ADAM28: variants seen among roughly 807,000 people sequenced by gnomAD.
ADAM28 encodes the protein disintegrin and metalloproteinase domain-containing protein 28.
ADAM28 carries 105 observed loss-of-function variants against 101.2 expected under a neutral mutation model. The observed-to-expected ratio is 1.04, with a 90% CI of 0.89 to 1.22. ADAM28 has a LOEUF of 1.22. ADAM28 is among the 50% of genes most tolerant of loss of function. ADAM28 has a pLI of 0.00. For missense variants in ADAM28, 1,028 were observed against 945.4 expected (o/e 1.09, Z -1.15); for synonymous variants, 322 against 310.6 (o/e 1.04, Z -0.39).
chr8:24,312,187 G>A (rs1585559980), intron 5 of ADAM28, among the ~76,000 whole-genome samples: 2 of 152,040 alleles, frequency 1.3e-5, no homozygotes, highest in East Asian at 3.9e-4. Flanking sequence ...GTCCAGACTT[G>A]ATTATCTAAT....
chr8:24,334,505 TTTTAGACAGAAGAGA>T (rs1484094668), intron 13 of ADAM28, among the ~76,000 whole-genome samples: 1 of 152,106 alleles, frequency 6.6e-6, no homozygotes, highest in Non-Finnish European at 1.5e-5. Flanking sequence ...TGAAAAAAGA[TTTTAGACAGAAGAGA>T]TTTAGACATA....
chr8:24,343,930 T>G (rs1815101266), intron 18 of ADAM28, among the ~76,000 whole-genome samples: 1 of 145,854 alleles, frequency 6.9e-6, no homozygotes, highest in South Asian at 2.1e-4. Context: ...TATGACCTAT[T>G]ATTTTGTATG....
At chr8:24,302,254 T>C (rs1808879878) in intron 2 of ADAM28, among the ~76,000 whole-genome samples, 1 of 152,170 alleles carries the variant, frequency 6.6e-6, no homozygotes, top group African/African-American at 2.4e-5. Flanking sequence ...TCCATGTGCC[T>C]GCAAAGGACA....
chr8:24,354,221 C>G (rs6557729), intron 22 of ADAM28, among the ~76,000 whole-genome samples, 163 bp from the exon 23 acceptor site: 148,198 of 152,094 alleles, frequency 0.97, 72,253 homozygotes, highest in East Asian at 1. Context: ...CACTCCCTTC[C>G]TATCCTCTCA....
In ADAM28 at chr8:24,335,479, A is replaced by G. The variant is rs745376405; in HGVS notation, c.1405A>G (p.Lys469Glu). ...GGCTGGGATGGTGTGCAGACCAGCA[A>G]AAGATGAGTGCGACCTGCCTGAAAT... The part of the protein sequence containing the change: ...KKAGMVCRPA[K>E]DECDLPEMCN... Residue 469 changes from lysine (K) to glutamate (E), a missense_variant, in exon 14 of 23, where the codon AAA (lysine) becomes GAA (glutamate). Coordinates refer to ENST00000265769, the MANE Select transcript of ADAM28 (RefSeq NM_014265.6). 4 of 1,613,840 alleles carry G rather than the reference A, an allele frequency of 2.5e-6. No homozygotes were observed. Among genetic ancestry groups the G allele is most frequent in the East Asian group, 2.2e-5 (1 of 44,888 alleles).
At chr8:24,335,276 G>A (rs965900894) in intron 13 of ADAM28, among the ~76,000 whole-genome samples, 170 bp from the exon 14 acceptor site, 4 of 151,872 alleles carry the variant, frequency 2.6e-5, no homozygotes, top group South Asian at 4.2e-4. Context: ...ATTAATAGAA[G>A]TGATATAACA....
intron 21 of ADAM28, among the ~76,000 whole-genome samples, chr8:24,352,350 CAGATAT>C (rs1167471472): frequency 3.3e-5 from 5 of 152,162 alleles, no homozygotes; most frequent in Non-Finnish European, 5.9e-5. Context: ...GCTTAAACAA[CAGATAT>C]TTACTTCTCA....
intron 3 of ADAM28, 32 bp downstream of exon 3, chr8:24,310,002 G>A: frequency 6.5e-7 from 1 of 1,528,412 alleles, no homozygotes; most frequent in Middle Eastern, 1.7e-4. Context: ...ATTATCCTCA[G>A]CAAGAGCAAG....
chr8:24,351,690 A>C, intron 20 of ADAM28: 1 of 462,176 alleles, frequency 2.2e-6, no homozygotes. Context: ...TAATATTTAT[A>C]ACCCAAATGT....
intron 8 of ADAM28, among the ~76,000 whole-genome samples, chr8:24,323,193 A>G (rs1279341373): frequency 6.6e-6 from 1 of 151,786 alleles, no homozygotes; most frequent in Non-Finnish European, 1.5e-5. Flanking sequence ...GAACAAAGCA[A>G]TTCTCTGGGG....
intron 13 of ADAM28, 124 bp downstream of exon 13, chr8:24,332,873 A>G: frequency 4.2e-6 from 2 of 479,800 alleles, no homozygotes; most frequent in Non-Finnish European, 6.9e-6. Context: ...TATATTTACT[A>G]TTTATGAAGC....
At chr8:24,315,132 G>A (rs930236127) in intron 6 of ADAM28, among the ~76,000 whole-genome samples, 1 of 151,900 alleles carries the variant, frequency 6.6e-6, no homozygotes, top group Non-Finnish European at 1.5e-5. Context: ...AAAAGATAAA[G>A]AGTGGCTGAA....
At chr8:24,318,204 A>G (rs763815989) in intron 6 of ADAM28, among the ~76,000 whole-genome samples, 9 of 151,252 alleles carry the variant, frequency 6.0e-5, no homozygotes, top group Non-Finnish European at 8.9e-5. Flanking sequence ...GTGAATATCA[A>G]CTCCTGGGTT....
rs775413316 is a variant in ADAM28, at chr8:24,339,567, A to G, written c.1669A>G (p.Asn557Asp). Residue 557 changes from asparagine to aspartate, a missense_variant and splice_region_variant, in exon 15 of 23, where the codon AAT becomes GAT. Coordinates refer to ENST00000265769, the MANE Select transcript of ADAM28 (RefSeq NM_014265.6). ...TGACACACTCATTCCCTGCAAAGCAAAGTAAGTGGCCTTGTCTGAACCTTC... is the reference window on the plus strand; with the variant it reads ...TGACACACTCATTCCCTGCAAAGCAGAGTAAGTGGCCTTGTCTGAACCTTC... The part of the protein sequence containing the change: ...VDDTLIPCKA[N>D]DTMCGKLFCQ... 1 of 1,610,578 alleles carries G rather than the reference A, an allele frequency of 6.2e-7. No individual in the cohort carries two copies. The highest frequency in any genetic ancestry group is 1.1e-5 in the South Asian group (1 of 90,260).
chr8:24,319,552 G>A (rs933172573), intron 6 of ADAM28, among the ~76,000 whole-genome samples: 7 of 151,820 alleles, frequency 4.6e-5, no homozygotes, highest in East Asian at 1.9e-4. Context: ...CTTTGTAATC[G>A]AACTTTAGTT....
Position 24,294,088 on chromosome 8 carries a change from C to T in ADAM28, c.-62C>T. 2 of 1,579,724 alleles carry T rather than the reference C, an allele frequency of 1.3e-6. No homozygotes were observed. The highest frequency in any genetic ancestry group is 1.1e-5 in the South Asian group (1 of 90,342). The stretch of plus-strand genomic sequence containing the variant: ...TGTCTCACTGGAGAGGAGGCAGGGA[C>T]AGACCCAGCAGCACCCACCTGAGCG... On this transcript the variant is annotated 5_prime_UTR_variant, in exon 1 of 23. Transcript: ENST00000265769.
chr8:24,313,667 T>A (rs1465758917), intron 6 of ADAM28, 87 bp downstream of exon 6: 1 of 1,387,188 alleles, frequency 7.2e-7, no homozygotes, highest in Non-Finnish European at 9.9e-7. Context: ...GAAACTATAG[T>A]CATTGTCAAA....
At chr8:24,308,914 G>A in intron 2 of ADAM28, 1 of 323,962 alleles carries the variant, frequency 3.1e-6, no homozygotes, top group Non-Finnish European at 6.1e-6. Flanking sequence ...CTTGAGCTTA[G>A]GTGCACCACA....
At position 24,313,394 on chromosome 8, in the gene ADAM28, C is replaced by T. The variant is rs1810730705; in HGVS notation, c.390C>T (p.Tyr130=). The change falls in exon 6 of 23, where the codon TAC becomes TAT. Residue 130 remains tyrosine (Y), a synonymous_variant. Coordinates refer to ENST00000265769, the MANE Select transcript of ADAM28 (RefSeq NM_014265.6). ...AACTCTCATGTTTTTTCAGGGGCTA[C>T]TTCAGTCAGGGGGATCAAAGATACT... ...SISTCRGLRG[Y]FSQGDQRYFI... The T allele has an allele frequency of 1.2e-6, 2 of 1,608,672 alleles. No individual in the cohort carries two copies. The highest frequency in any genetic ancestry group is 1.7e-6 in the Non-Finnish European group (2 of 1,177,828).
Sources: allele counts gnomAD v4.1 joint callset (sites outside exome capture counted in the v4.1 genomes callset), GRCh38; gene constraint gnomAD v4.1.1; transcripts MANE v1.5; gene names NCBI Gene and HGNC (gene_info 2026-07-23, HGNC 2026-07-21).